Variants in DNAH12 observed in about 807,000 individuals in gnomAD.
DNAH12 encodes axonemal beta dynein heavy chain 12.
In DNAH12, 285 loss-of-function variants were observed where a neutral mutation model predicts 371.5. That is an observed-to-expected ratio of 0.77 (90% CI 0.70 to 0.85). DNAH12 has a LOEUF of 0.85. Among genes scored for constraint, DNAH12 ranks in the 40% least tolerant of loss-of-function variants. The pLI, the probability that DNAH12 is intolerant of heterozygous loss-of-function variation, is 0.00. For synonymous variants in DNAH12, 1,200 were observed against 1,213.0 expected (o/e 0.99, Z 0.22); for missense variants, 3,611 against 3,689.4 (o/e 0.98, Z 0.55).
chr3:57,485,250 C>A (rs1443206258), intron 12 of DNAH12, among the ~76,000 whole-genome samples: 2 of 152,154 alleles, frequency 1.3e-5, no homozygotes, highest in South Asian at 4.1e-4. Context: ...CAGCACAGTT[C>A]ACAATTGCAA....
At chr3:57,404,833 AT>A in intron 42 of DNAH12, 135 bp downstream of exon 42, 2 of 768,144 alleles carry the variant, frequency 2.6e-6, no homozygotes, top group Non-Finnish European at 3.7e-6. Flanking sequence ...AATTACTAAT[AT>A]TTTATGTTTT....
At chr3:57,344,923 A>T (rs1305707922) in intron 60 of DNAH12, among the ~76,000 whole-genome samples, 1 of 152,114 alleles carries the variant, frequency 6.6e-6, no homozygotes, top group Non-Finnish European at 1.5e-5. Flanking sequence ...CCAACACAGG[A>T]GTTAAGGTGC....
At chr3:57,484,802 C>T (rs1048554591) in intron 12 of DNAH12, among the ~76,000 whole-genome samples, 2 of 152,058 alleles carry the variant, frequency 1.3e-5, no homozygotes, top group Non-Finnish European at 2.9e-5. Flanking sequence ...CAACAAAAGA[C>T]TAGTATCCAG....
rs1005396296 is a variant in DNAH12 at position 57,379,219 on chromosome 3, G to A, written c.8162C>T (p.Ser2721Phe). ...FDPPKVAKAS[S>F]AAEGLCKWIM... is the part of the protein sequence containing the mutation. The stretch of plus-strand genomic sequence containing the variant: ...CCACTTACACAGACCCTCAGCTGCA[G>A]AAGAAGCTTTAGCAACCTTAGGGGG... The change falls in exon 52 of 74, where the codon TCT (serine) becomes TTT (phenylalanine). Residue 2721 changes from serine to phenylalanine, a missense_variant. By Grantham distance (155) the Ser-to-Phe change is radical (BLOSUM62 -2). Around this residue, in one of 3 missense-constraint regions of DNAH12, gnomAD observed 2,266 missense variants for 2,236.9 expected, o/e 1.01. Transcript: ENST00000495027. The A allele has an allele frequency of 6.6e-6, 1 of 152,150 alleles. No individual in the cohort carries two copies. Among genetic ancestry groups the A allele is most frequent in the Non-Finnish European group, 1.5e-5 (1 of 68,040 alleles). The allele number at this position is 152,150 out of a possible 1,614,324, so 9.4% of individuals were successfully genotyped here. A position where few individuals can be genotyped will look rare whatever the true frequency, so the allele number is the denominator to read the frequency against.
chr3:57,507,147 A>G (rs1389781343), intron 8 of DNAH12, among the ~76,000 whole-genome samples: 2 of 152,120 alleles, frequency 1.3e-5, no homozygotes, highest in Non-Finnish European at 2.9e-5. Context: ...TATCTTCAAC[A>G]GTAAAAATTT....
rs1168007044 is a variant in DNAH12, at chr3:57,392,990, TTTGTTG to T, written c.7111-930_7111-925del. ...CAGATAAAAGCAAAGAACATGGGTT[TTTGTTG>T]TTGTTGTTGTTGTTTTGTCCTCTTT... On this transcript the variant is annotated intron_variant, in intron 44 of 73. Coordinates refer to ENST00000495027, the MANE Select transcript of DNAH12 (RefSeq NM_001366028.2). Among the ~76,000 whole-genome samples the T allele has an allele frequency of 3.4e-3, 518 of 152,236 alleles. 5 individuals carry two copies. Among genetic ancestry groups the T allele is most frequent in the African/African-American group, 0.011 (451 of 41,528 alleles).
intron 39 of DNAH12, among the ~76,000 whole-genome samples, chr3:57,410,775 C>G (rs1553682723): frequency 1.3e-5 from 2 of 151,472 alleles, no homozygotes; most frequent in South Asian, 4.2e-4. Context: ...AAGATCACGC[C>G]ACTACACTCC....
At chr3:57,473,119 C>A (rs985355506) in intron 13 of DNAH12, among the ~76,000 whole-genome samples, 22 of 151,956 alleles carry the variant, frequency 1.4e-4, no homozygotes, top group Non-Finnish European at 2.5e-4. Flanking sequence ...ACATCACCAC[C>A]TTTTTGGCCT....
chr3:57,447,888 T>C (rs139980240), intron 25 of DNAH12, among the ~76,000 whole-genome samples: 2,093 of 152,226 alleles, frequency 0.014, 34 homozygotes, highest in African/African-American at 0.045. Flanking sequence ...TTGCCCAAGC[T>C]GGTCTCAAAC....
At chr3:57,442,648 G>T (rs2065344567) in intron 29 of DNAH12, among the ~76,000 whole-genome samples, 1 of 152,130 alleles carries the variant, frequency 6.6e-6, no homozygotes, top group African/African-American at 2.4e-5. Context: ...TTTCCAACTG[G>T]AATCTACGGA....
At chr3:57,352,377 C>G (rs1336007185) in intron 59 of DNAH12, 152 bp from the exon 60 acceptor site, 1 of 803,922 alleles carries the variant, frequency 1.2e-6, no homozygotes, top group South Asian at 2.1e-5. Context: ...CTGGTGAAAT[C>G]TGAATAAGCT....
Position 57,473,257 on chromosome 3 carries a change from C to T in DNAH12, c.1651-586G>A, listed in dbSNP as rs547211902. The stretch of plus-strand genomic sequence containing the variant: ...ATCCCAACACTTTGGGAAGCTGAGG[C>T]GGGTGGATCACCTGAGGTCAGGAGT... On this transcript the variant is annotated intron_variant, in intron 13 of 73. Coordinates refer to ENST00000495027, the MANE Select transcript of DNAH12 (RefSeq NM_001366028.2). Among the ~76,000 whole-genome samples the T allele has an allele frequency of 6.6e-5, 10 of 152,050 alleles. No homozygotes were observed. In the South Asian group the frequency reaches 8.3e-4, roughly 13 times the overall value.
Position 57,472,551 on chromosome 3 carries a change from C to A in DNAH12, c.1771G>T (p.Asp591Tyr). 1 of 1,548,320 alleles carries A rather than the reference C, an allele frequency of 6.5e-7. No homozygotes were observed. The highest frequency in any genetic ancestry group is 2.0e-5 in the Admixed American group (1 of 50,524). The stretch of plus-strand genomic sequence containing the variant: ...ATACTGAAAAATATATTTACCTCAT[C>A]ATTTTCATCAAAGATGGGATTAATT... ...RKINPIFDEN[D>Y]ELIENAKHKK... The change falls in exon 14 of 74, where the codon GAT becomes TAT. Residue 591 changes from aspartate to tyrosine, a missense_variant. Transcript: ENST00000495027.
intron 11 of DNAH12, among the ~76,000 whole-genome samples, chr3:57,499,647 A>AAAAAAAAAAAAAAAATATATATATAT (rs1451248906): frequency 1.1e-4 from 2 of 17,958 alleles, no homozygotes; most frequent in Non-Finnish European, 2.4e-4. Flanking sequence ...AAAAAAAAAA[A>AAAAAAAAAAAAAAAATATATATATAT]ATATATATAT....
At chr3:57,469,460 A>G (rs752566838) in intron 16 of DNAH12, among the ~76,000 whole-genome samples, 2 of 152,198 alleles carry the variant, frequency 1.3e-5, no homozygotes, top group Non-Finnish European at 2.9e-5. Flanking sequence ...CTACCATTTG[A>G]CCCAGCAATC....
At chr3:57,452,684 C>T (rs1559677116) in intron 25 of DNAH12, among the ~76,000 whole-genome samples, 159 bp downstream of exon 25, 3 of 152,230 alleles carry the variant, frequency 2.0e-5, no homozygotes, top group African/African-American at 4.8e-5. Context: ...CAAAAGCACC[C>T]AGAAGTAAAT....
At chr3:57,358,438 T>TC (rs1195786514) in intron 58 of DNAH12, among the ~76,000 whole-genome samples, 96,890 of 151,924 alleles carry the variant, frequency 0.64, 31,816 homozygotes, top group Non-Finnish European at 0.74. Context: ...CTTAAGGCCT[T>TC]CCGTTCATCC....
At chr3:57,464,252 GAA>G (rs2066136280) in intron 17 of DNAH12, among the ~76,000 whole-genome samples, 1 of 152,048 alleles carries the variant, frequency 6.6e-6, no homozygotes, top group Non-Finnish European at 1.5e-5. Flanking sequence ...CCCAGCCCTG[GAA>G]ATGTTACTCT....
chr3:57,341,901 C>G (rs1359275522), intron 60 of DNAH12, among the ~76,000 whole-genome samples: 4 of 152,212 alleles, frequency 2.6e-5, no homozygotes, highest in African/African-American at 9.6e-5. Flanking sequence ...CAGCATGGTA[C>G]TGGCATACAA....
Sources: allele counts gnomAD v4.1 joint callset (sites outside exome capture counted in the v4.1 genomes callset), GRCh38; gene constraint gnomAD v4.1.1; regional missense constraint gnomAD v4.1.1; transcripts MANE v1.5; gene names NCBI Gene and HGNC (gene_info 2026-07-23, HGNC 2026-07-21).